The following ATXN7L1 variants were observed in gnomAD, a reference collection of about 807,000 sequenced individuals.
The protein encoded by ATXN7L1 is ataxin-7-like protein 1.
Under a neutral mutation model 70.8 loss-of-function variants are expected in ATXN7L1, and 15 were observed. The observed-to-expected ratio is 0.21, with a 90% CI of 0.14 to 0.33. ATXN7L1 has a LOEUF of 0.33. Ranked by LOEUF, ATXN7L1 falls within the 10% of genes least tolerant of loss-of-function variation. The pLI, the probability that ATXN7L1 is intolerant of heterozygous loss-of-function variation, is 1.00. For missense variants in ATXN7L1, 975 were observed against 1,097.1 expected (o/e 0.89, Z 1.57); for synonymous variants, 440 against 445.1 (o/e 0.99, Z 0.14).
At chr7:105,708,654 G>T (rs561831859) in intron 3 of ATXN7L1, among the ~76,000 whole-genome samples, 1 of 152,204 alleles carries the variant, frequency 6.6e-6, no homozygotes, top group East Asian at 1.9e-4. Context: ...TTTCAAATAA[G>T]TTCTGTTATA....
At position 105,733,628 on chromosome 7, in the gene ATXN7L1, AT is replaced by A; in HGVS notation, c.355+54975del. ...CACCCATCCATCCATCCATCCATCC[AT>A]CCACCCATCCATCCATCCATCCATC... On this transcript the variant is annotated intron_variant, in intron 3 of 11. Transcript: ENST00000419735. Among the ~76,000 whole-genome samples the A allele has an allele frequency of 1.4e-5, 2 of 138,404 alleles. 1 individual carries two copies. The highest frequency in any genetic ancestry group is 3.1e-5 in the Non-Finnish European group (2 of 63,824). 90.8% of individuals were successfully genotyped at this position (138,404 alleles called of 152,430 possible). A position where few individuals can be genotyped will look rare whatever the true frequency, so the allele number is the denominator to read the frequency against.
chr7:105,706,127 C>A (rs1452383864), intron 3 of ATXN7L1, among the ~76,000 whole-genome samples: 3 of 152,180 alleles, frequency 2.0e-5, no homozygotes, highest in Admixed American at 1.3e-4. Flanking sequence ...TGAATTATTT[C>A]TCTTAGCCAC....
intron 2 of ATXN7L1, among the ~76,000 whole-genome samples, chr7:105,816,730 G>A (rs1179656092): frequency 6.6e-6 from 1 of 152,230 alleles, no homozygotes; most frequent in African/African-American, 2.4e-5. Context: ...TGGAAGGTTC[G>A]TTCCTATGCA....
chr7:105,691,872 T>C (rs1790917174), intron 3 of ATXN7L1, among the ~76,000 whole-genome samples: 1 of 152,142 alleles, frequency 6.6e-6, no homozygotes, highest in Non-Finnish European at 1.5e-5. Context: ...CACGCACTTG[T>C]TAAACACGGA....
intron 3 of ATXN7L1, among the ~76,000 whole-genome samples, chr7:105,685,083 AAT>A (rs1265325362): frequency 2.1e-4 from 30 of 141,970 alleles, no homozygotes; most frequent in African/African-American, 6.6e-4. Context: ...TAATAATAAT[AAT>A]AAATGGTTTT....
At chr7:105,767,360 A>G (rs1448830120) in intron 3 of ATXN7L1, among the ~76,000 whole-genome samples, 1 of 151,980 alleles carries the variant, frequency 6.6e-6, no homozygotes, top group Non-Finnish European at 1.5e-5. Context: ...CCCCTGGTCC[A>G]GCCAAGGCCA....
intron 3 of ATXN7L1, among the ~76,000 whole-genome samples, chr7:105,666,321 T>C (rs1238414124): frequency 6.6e-6 from 1 of 152,266 alleles, no homozygotes. Flanking sequence ...ATGTGTTGAA[T>C]AAATAAATGA....
intron 2 of ATXN7L1, among the ~76,000 whole-genome samples, chr7:105,850,813 C>T (rs1814769408): frequency 6.6e-6 from 1 of 152,140 alleles, no homozygotes; most frequent in Admixed American, 6.5e-5. Context: ...CAAATGCCCT[C>T]AGTGGGGGCC....
chr7:105,719,327 G>T (rs536260), intron 3 of ATXN7L1, among the ~76,000 whole-genome samples: 1,725 of 152,218 alleles, frequency 0.011, 47 homozygotes, highest in African/African-American at 0.039. Flanking sequence ...GCCCTACAGG[G>T]TCTAGTTCAA....
In ATXN7L1 at chr7:105,741,542, G is replaced by A. The variant is rs184512122; in HGVS notation, c.355+47062C>T. ...CAGTCGAAGAATGATTTTTCAGCCC[G>A]TGTGGAAGGTGAGTGGGATGGGAAG... On this transcript the variant is annotated intron_variant, in intron 3 of 11. Transcript: ENST00000419735. 2.3e-3 allele frequency among the ~76,000 whole-genome samples: 349 copies of A among 152,256 alleles called. 2 individuals carry two copies. Among genetic ancestry groups the A allele is most frequent in the African/African-American group, 7.9e-3 (330 of 41,556 alleles).
chr7:105,775,778 C>G (rs1802641613), intron 3 of ATXN7L1, among the ~76,000 whole-genome samples: 1 of 152,188 alleles, frequency 6.6e-6, no homozygotes, highest in South Asian at 2.1e-4. Flanking sequence ...TTAGGAAAAA[C>G]ATGCAGTTTT....
chr7:105,639,016 A>G (rs1169607615), intron 6 of ATXN7L1, among the ~76,000 whole-genome samples: 1 of 152,114 alleles, frequency 6.6e-6, no homozygotes, highest in African/African-American at 2.4e-5. Context: ...GCAGTTCAGC[A>G]TGAAATACAG....
intron 3 of ATXN7L1, among the ~76,000 whole-genome samples, chr7:105,773,803 G>A (rs1373887792): frequency 6.6e-6 from 1 of 152,172 alleles, no homozygotes; most frequent in African/African-American, 2.4e-5. Context: ...ACGCAGGATC[G>A]TGGTAACATT....
chr7:105,741,493 T>C (rs1798016349), intron 3 of ATXN7L1, among the ~76,000 whole-genome samples: 1 of 152,206 alleles, frequency 6.6e-6, no homozygotes. Context: ...GAAGTATCAG[T>C]ACGATGCCTC....
At chr7:105,813,104 G>T (rs1036034394) in intron 2 of ATXN7L1, among the ~76,000 whole-genome samples, 1 of 152,170 alleles carries the variant, frequency 6.6e-6, no homozygotes, top group Admixed American at 6.5e-5. Context: ...CAACTGTTAT[G>T]AATTTACCTA....
intron 3 of ATXN7L1, among the ~76,000 whole-genome samples, chr7:105,671,154 G>A (rs1454767929): frequency 1.4e-5 from 2 of 147,844 alleles, no homozygotes; most frequent in South Asian, 2.1e-4. Context: ...GTGGTGGCGG[G>A]TGCCTGTAAT....
intron 3 of ATXN7L1, among the ~76,000 whole-genome samples, chr7:105,691,830 T>C (rs574786198): frequency 1.3e-5 from 2 of 152,260 alleles, no homozygotes; most frequent in Non-Finnish European, 2.9e-5. Context: ...ATACCAGCTA[T>C]CCGCGCTTGC....
chr7:105,802,154 T>C (rs565759606), intron 2 of ATXN7L1, among the ~76,000 whole-genome samples: 19 of 152,286 alleles, frequency 1.2e-4, no homozygotes, highest in Non-Finnish European at 4.4e-5. Flanking sequence ...AACTGCAGTC[T>C]TGATACCCAA....
At chr7:105,738,939 G>A (rs1797708616) in intron 3 of ATXN7L1, among the ~76,000 whole-genome samples, 1 of 152,240 alleles carries the variant, frequency 6.6e-6, no homozygotes, top group South Asian at 2.1e-4. Context: ...AGTACTAGGT[G>A]GATGAGGTGG....
Sources: allele counts gnomAD v4.1 joint callset (sites outside exome capture counted in the v4.1 genomes callset), GRCh38; gene constraint gnomAD v4.1.1; transcripts MANE v1.5; gene names NCBI Gene and HGNC (gene_info 2026-07-23, HGNC 2026-07-21).